Variants in GRM3 observed in about 807,000 individuals in gnomAD.
The protein encoded by GRM3 is glutamate metabotropic receptor 3.
Under a neutral mutation model 70.5 loss-of-function variants are expected in GRM3, and 26 were observed. The observed-to-expected ratio is 0.37, with a 90% CI of 0.27 to 0.51. GRM3 has a LOEUF of 0.51. GRM3 is among the 20% of genes least tolerant of loss of function. The pLI, the probability that GRM3 is intolerant of heterozygous loss-of-function variation, is 0.93. For missense variants in GRM3, 859 were observed against 1,123.8 expected (o/e 0.76, Z 3.37); for synonymous variants, 443 against 434.9 (o/e 1.02, Z -0.23).
At chr7:86,812,352 C>G (rs759050405) in intron 3 of GRM3, among the ~76,000 whole-genome samples, 8 of 151,548 alleles carry the variant, frequency 5.3e-5, no homozygotes, top group Non-Finnish European at 1.2e-4. Flanking sequence ...GTGGGACAGG[C>G]CTATGAAATT....
At position 86,765,074 on chromosome 7, in the gene GRM3, G is replaced by A. The variant is rs1796567153; in HGVS notation, c.-72G>A. ...AAGGACAGGCCAAAGATCCAGTTTG[G>A]AAATGAGAGAGGACTAGCATGACAC... On this transcript the variant is annotated 5_prime_UTR_variant, in exon 2 of 6. Transcript: ENST00000361669. The A allele has an allele frequency of 6.6e-7, 1 of 1,504,266 alleles. No homozygotes were observed. The highest frequency in any genetic ancestry group is 2.3e-5 in the Admixed American group (1 of 43,890). The allele number at this position is 1,504,266 out of a possible 1,614,324, so 93.2% of individuals were successfully genotyped here. A position where few individuals can be genotyped will look rare whatever the true frequency, so the allele number is the denominator to read the frequency against.
At chr7:86,772,019 A>G (rs2116449510) in intron 2 of GRM3, among the ~76,000 whole-genome samples, 1 of 152,222 alleles carries the variant, frequency 6.6e-6, no homozygotes, top group East Asian at 1.9e-4. Flanking sequence ...CCCTTTCCCA[A>G]GTACTCACTT....
At position 86,786,309 on chromosome 7, in the gene GRM3, T is replaced by C. The variant is rs1326196025; in HGVS notation, c.517T>C (p.Ser173Pro). ...LFQIPQISYA[S>P]TSAKLSDKSR... ...CCAGATCCCTCAGATCAGCTACGCATCCACCAGCGCCAAACTCAGTGATAA... is the reference window on the plus strand; with the variant it reads ...CCAGATCCCTCAGATCAGCTACGCACCCACCAGCGCCAAACTCAGTGATAA... The change falls in exon 3 of 6, where the codon TCC (serine) becomes CCC (proline). Residue 173 changes from serine (S) to proline (P), a missense_variant. By Grantham distance (74) the Ser-to-Pro change is moderately conservative. Coordinates refer to ENST00000361669, the MANE Select transcript of GRM3 (RefSeq NM_000840.3). The surrounding 1 kb of genome is among the most constrained non-coding windows in gnomAD (Gnocchi z 6.0). 1 of 1,614,118 alleles carries C rather than the reference T, an allele frequency of 6.2e-7. No homozygotes were observed. Among genetic ancestry groups the C allele is most frequent in the Non-Finnish European group, 8.5e-7 (1 of 1,179,978 alleles).
intron 2 of GRM3, chr7:86,784,302 T>C (rs1450453188): frequency 6.6e-6 from 1 of 152,184 alleles, no homozygotes; most frequent in Non-Finnish European, 1.5e-5. Context: ...CTGTGATTCT[T>C]CGCTGCCAGA....
At chr7:86,760,192 T>G (rs754841223) in intron 1 of GRM3, among the ~76,000 whole-genome samples, 1 of 152,152 alleles carries the variant, frequency 6.6e-6, no homozygotes, top group Non-Finnish European at 1.5e-5. Flanking sequence ...AAACTACTTT[T>G]GTATTGACTG....
intron 2 of GRM3, among the ~76,000 whole-genome samples, chr7:86,785,161 G>A (rs545146623): frequency 1.3e-5 from 2 of 152,286 alleles, no homozygotes; most frequent in South Asian, 2.1e-4. Flanking sequence ...AATAGTCAAT[G>A]TCATTTCTGA....
At chr7:86,663,480 G>A (rs1011420231) in intron 1 of GRM3, among the ~76,000 whole-genome samples, 2 of 152,078 alleles carry the variant, frequency 1.3e-5, no homozygotes, top group South Asian at 2.1e-4. Flanking sequence ...CTGAGAAAAC[G>A]GGATTCTAAG....
chr7:86,843,797 A>G (rs1354274015), intron 4 of GRM3, among the ~76,000 whole-genome samples: 1 of 152,198 alleles, frequency 6.6e-6, no homozygotes, highest in African/African-American at 2.4e-5. Flanking sequence ...TGGAGCATAA[A>G]TAATGAATGA....
chr7:86,691,590 A>G (rs1794698258), intron 1 of GRM3, among the ~76,000 whole-genome samples: 1 of 152,192 alleles, frequency 6.6e-6, no homozygotes, highest in Non-Finnish European at 1.5e-5. Context: ...CTTAACCCCC[A>G]AAGCAACAGT....
At chr7:86,857,142 T>C (rs1798866086) in intron 5 of GRM3, among the ~76,000 whole-genome samples, 1 of 152,078 alleles carries the variant, frequency 6.6e-6, no homozygotes. Context: ...TTTTTTTTTT[T>C]TTTTAAGTTA....
chr7:86,772,550 A>G (rs1325823349), intron 2 of GRM3, among the ~76,000 whole-genome samples: 6 of 152,084 alleles, frequency 3.9e-5, no homozygotes, highest in Non-Finnish European at 8.8e-5. Context: ...TATTCCAGAG[A>G]AGACTATCCA....
At chr7:86,668,450 T>C (rs1445893116) in intron 1 of GRM3, among the ~76,000 whole-genome samples, 1 of 152,098 alleles carries the variant, frequency 6.6e-6, no homozygotes, top group East Asian at 1.9e-4. Flanking sequence ...ACCCCCTCTA[T>C]CCACCCCATT....
At chr7:86,655,998 T>TA in intron 1 of GRM3, among the ~76,000 whole-genome samples, 1 of 152,256 alleles carries the variant, frequency 6.6e-6, no homozygotes, top group African/African-American at 2.4e-5. Flanking sequence ...AACAGACTCT[T>TA]ACTTTGAGAT....
At chr7:86,682,285 A>T (rs1203694583) in intron 1 of GRM3, among the ~76,000 whole-genome samples, 1 of 152,230 alleles carries the variant, frequency 6.6e-6, no homozygotes, top group Non-Finnish European at 1.5e-5. Context: ...ATATTATTTT[A>T]AAAATTACAG....
chr7:86,709,572 G>A (rs563027732), intron 1 of GRM3, among the ~76,000 whole-genome samples: 1 of 152,104 alleles, frequency 6.6e-6, no homozygotes, highest in East Asian at 1.9e-4. Context: ...CTTCGGGGGG[G>A]TGGGGGTAGC....
chr7:86,703,460 CAAG>C (rs540529184), intron 1 of GRM3, among the ~76,000 whole-genome samples: 1 of 151,794 alleles, frequency 6.6e-6, no homozygotes, highest in Admixed American at 6.6e-5. Context: ...GAGAAGTGTC[CAAG>C]AAGAAGTAGC....
chr7:86,817,086 C>T (rs541583412), intron 3 of GRM3, among the ~76,000 whole-genome samples: 126 of 151,834 alleles, frequency 8.3e-4, no homozygotes, highest in African/African-American at 2.9e-3. Context: ...TTATTTTCTC[C>T]GATTTGGGAA....
intron 1 of GRM3, among the ~76,000 whole-genome samples, chr7:86,764,744 A>G (rs985582833): frequency 6.6e-6 from 1 of 152,130 alleles, no homozygotes; most frequent in Non-Finnish European, 1.5e-5. Context: ...TCCAAACCCA[A>G]TCTGCAATAA....
chr7:86,836,124 A>C (rs940372234), intron 3 of GRM3, among the ~76,000 whole-genome samples: 1 of 152,242 alleles, frequency 6.6e-6, no homozygotes, highest in Non-Finnish European at 1.5e-5. Flanking sequence ...ACCCAAGGTT[A>C]GTAAGATTGT....
Sources: gnomAD v4.1 joint callset for allele counts (sites outside exome capture counted in the v4.1 genomes callset) on GRCh38, gnomAD v4.1.1 for gene constraint, Gnocchi (gnomAD v3.1) non-coding constraint, MANE v1.5 for transcripts, NCBI Gene and HGNC (gene_info 2026-07-23, HGNC 2026-07-21) for gene names.